The following HSPB6 variants were observed in gnomAD, a reference collection of about 807,000 sequenced individuals.
HSPB6 encodes heat shock protein family B (small) member 6, also known as heat shock protein beta-6.
In HSPB6, 8 loss-of-function variants were observed where a neutral mutation model predicts 10.7. The ratio of observed to expected loss-of-function variants is 0.75; its 90% CI spans 0.44 to 1.35. HSPB6 has a LOEUF of 1.35. HSPB6 is among the 40% of genes most tolerant of loss of function. The probability of loss-of-function intolerance (pLI) is 0.00; values close to 1 mark genes in which losing one functional copy is unlikely to be tolerated. For missense variants in HSPB6, 232 were observed against 236.0 expected (o/e 0.98, Z 0.11); for synonymous variants, 128 against 114.2 (o/e 1.12, Z -0.77).
rs1970730184 is a variant in HSPB6, at chr19:35,754,635, A to AGT, written c.*886_*887insAC. The AGT allele has an allele frequency of 1.4e-6, 1 of 702,470 alleles. No individual in the cohort carries two copies. Among genetic ancestry groups the AGT allele is most frequent in the African/African-American group, 1.7e-5 (1 of 57,168 alleles). 43.5% of individuals were successfully genotyped at this position (702,470 alleles called of 1,614,324 possible). A position where few individuals can be genotyped will look rare whatever the true frequency, so the allele number is the denominator to read the frequency against. On this transcript the variant is annotated 3_prime_UTR_variant, in exon 3 of 3. Transcript: ENST00000004982. ...AGACTAAGGGAGTGGTGGCAGGGAG[A>AGT]AAGGCTGTGGGGAATCAGAGCGGGT...
In HSPB6 at chr19:35,756,831, C is replaced by A; in HGVS notation, c.178G>T (p.Val60Leu). 6.5e-7 allele frequency: 1 copy of A among 1,536,624 alleles called. No homozygotes were observed. The highest frequency in any genetic ancestry group is 8.7e-7 in the Non-Finnish European group (1 of 1,146,606). Residue 60 changes from valine (V) to leucine (L), a missense_variant, in exon 1 of 3, where the codon GTG becomes TTG. Val to Leu is a conservative substitution (Grantham distance 32). Transcript: ENST00000004982. ...LAPYYLRAPSVALPVAQVPTD... is the reference protein window; with the variant it reads ...LAPYYLRAPSLALPVAQVPTD... Reference sequence around the variant, plus strand: ...GGCACCTGGGCGACGGGCAGCGCCACGCTGGGTGCGCGCAGGTAGTAGGGG... The same window carrying A: ...GGCACCTGGGCGACGGGCAGCGCCAAGCTGGGTGCGCGCAGGTAGTAGGGG...
chr19:35,756,958 G>T lies in HSPB6; in HGVS notation c.51C>A (p.Ala17=). The stretch of plus-strand genomic sequence containing the variant: ...CGGGCGCCGAAAGTCCGGGCAACGG[G>T]GCCGAGGCGCGGCGCAGCCAAGACG... ...VQPSWLRRAS[A]PLPGLSAPGR... Residue 17 remains alanine (A), a synonymous_variant, in exon 1 of 3, where the codon GCC becomes GCA. Coordinates refer to ENST00000004982, the MANE Select transcript of HSPB6 (RefSeq NM_144617.3). The T allele has an allele frequency of 6.5e-7, 1 of 1,544,744 alleles. No individual in the cohort carries two copies.
chr19:35,755,415 G>C lies in HSPB6; in HGVS notation c.*107C>G. ...GGGCAGAATCCAGGAGTGGGTGAGAGGACAGTCCTTGGCGCACTCGGGACA... is the reference window on the plus strand; with the variant it reads ...GGGCAGAATCCAGGAGTGGGTGAGACGACAGTCCTTGGCGCACTCGGGACA... On this transcript the variant is annotated 3_prime_UTR_variant, in exon 3 of 3. Transcript: ENST00000004982. 8.6e-7 allele frequency: 1 copy of C among 1,160,068 alleles called. No homozygotes were observed. The highest frequency in any genetic ancestry group is 1.2e-6 in the Non-Finnish European group (1 of 806,348). 71.9% of individuals were successfully genotyped at this position (1,160,068 alleles called of 1,614,324 possible).
intron 1 of HSPB6, among the ~76,000 whole-genome samples, chr19:35,756,282 C>G: frequency 6.6e-6 from 1 of 152,112 alleles, no homozygotes; most frequent in Non-Finnish European, 1.5e-5. Flanking sequence ...GCCCCTTTCC[C>G]CGTCTCCAGG....
chr19:35,755,553 G>C lies in HSPB6; in HGVS notation c.452C>G (p.Ala151Gly). 1 of 1,526,710 alleles carries C rather than the reference G, an allele frequency of 6.6e-7. No individual in the cohort carries two copies. The highest frequency in any genetic ancestry group is 1.2e-5 in the South Asian group (1 of 83,038). The allele number at this position is 1,526,710 out of a possible 1,614,324, so 94.6% of individuals were successfully genotyped here. A position where few individuals can be genotyped will look rare whatever the true frequency, so the allele number is the denominator to read the frequency against. ...GGCTGCGGCTGGCGGTGGGGCCTGG[G>C]CCGACGCTGGTGCGGCCTGGATGGA... ...VLSIQAAPAS[A>G]QAPPPAAAK is the part of the protein sequence containing the mutation. Residue 151 changes from alanine (A) to glycine (G), a missense_variant, in exon 3 of 3, where the codon GCC becomes GGC. Transcript: ENST00000004982.
chr19:35,756,231 C>A (rs1970752816), intron 1 of HSPB6, among the ~76,000 whole-genome samples: 1 of 151,924 alleles, frequency 6.6e-6, no homozygotes, highest in South Asian at 2.1e-4. Context: ...CCTCAGAGCC[C>A]CGGGTCCCTT....
rs932312452 is a variant in HSPB6 at position 35,755,441 on chromosome 19, T to C, written c.*81A>G. 7.1e-7 allele frequency: 1 copy of C among 1,412,680 alleles called. No individual in the cohort carries two copies. The highest frequency in any genetic ancestry group is 1.4e-5 in the African/African-American group (1 of 70,136). 87.5% of individuals were successfully genotyped at this position (1,412,680 alleles called of 1,614,324 possible). A position where few individuals can be genotyped will look rare whatever the true frequency, so the allele number is the denominator to read the frequency against. The stretch of plus-strand genomic sequence containing the variant: ...GACAGTCCTTGGCGCACTCGGGACA[T>C]CTGGCTGGGCGGAGTCAGATCGGCT... On this transcript the variant is annotated 3_prime_UTR_variant, in exon 3 of 3. Transcript: ENST00000004982.
intron 1 of HSPB6, among the ~76,000 whole-genome samples, chr19:35,756,246 G>T (rs1970753454): frequency 6.6e-6 from 1 of 151,416 alleles, no homozygotes; most frequent in South Asian, 2.1e-4. Flanking sequence ...TCCCTTCTCC[G>T]CCAGCCCCGC....
chr19:35,755,971 C>T lies in HSPB6; in HGVS notation c.199-77G>A, dbSNP rs1312339967. On this transcript the variant is annotated intron_variant, in intron 1 of 2. Coordinates refer to ENST00000004982, the MANE Select transcript of HSPB6 (RefSeq NM_144617.3). ...GGACCCACCCAGGGAGACCCCACCC[C>T]CGTCGGTTCCGTGCCGCGGCTCACT... 8 of 1,499,716 alleles carry T rather than the reference C, an allele frequency of 5.3e-6. No homozygotes were observed. The Admixed American group carries it at 6.4e-5, about 12-fold the overall frequency. The allele number at this position is 1,499,716 out of a possible 1,614,324, so 92.9% of individuals were successfully genotyped here. A position where few individuals can be genotyped will look rare whatever the true frequency, so the allele number is the denominator to read the frequency against.
At position 35,756,955 on chromosome 19, in the gene HSPB6, C is replaced by T. The variant is rs376421880; in HGVS notation, c.54G>A (p.Pro18=). Residue 18 remains proline (P), a synonymous_variant, in exon 1 of 3, where the codon CCG becomes CCA. Transcript: ENST00000004982. The stretch of plus-strand genomic sequence containing the variant: ...GTCCGGGCGCCGAAAGTCCGGGCAA[C>T]GGGGCCGAGGCGCGGCGCAGCCAAG... The part of the protein sequence containing the change: ...QPSWLRRASA[P]LPGLSAPGRL... The T allele has an allele frequency of 1.7e-5, 26 of 1,544,380 alleles. No homozygotes were observed. Among genetic ancestry groups the T allele is most frequent in the East Asian group, 2.4e-5 (1 of 40,914 alleles).
In HSPB6 at chr19:35,755,676, T is replaced by TG; in HGVS notation, c.328dup (p.His110ProfsTer108). On this transcript the variant is annotated frameshift_variant, in exon 3 of 3. Coordinates refer to ENST00000004982, the MANE Select transcript of HSPB6 (RefSeq NM_144617.3). LOFTEE classifies it high-confidence loss of function. ...GTGGAACTCGCGCGCGACGAATCCG[T>TG]GCTCATCCTGGAGGGGAGGGAGGCT... The TG allele has an allele frequency of 1.3e-6, 2 of 1,535,374 alleles. No individual in the cohort carries two copies. The highest frequency in any genetic ancestry group is 1.7e-4 in the Middle Eastern group (1 of 5,960).
At chr19:35,756,051 T>C (rs1234152520) in intron 1 of HSPB6, among the ~76,000 whole-genome samples, 157 bp from the exon 2 acceptor site, 1 of 152,062 alleles carries the variant, frequency 6.6e-6, no homozygotes, top group Non-Finnish European at 1.5e-5. Flanking sequence ...CCAGGACCTC[T>C]TCACCCTGAA....
In HSPB6 at chr19:35,756,819, C is replaced by T; in HGVS notation, c.190G>A (p.Val64Ile). 1 of 1,535,966 alleles carries T rather than the reference C, an allele frequency of 6.5e-7. No individual in the cohort carries two copies. ...CTCCCCAGGCCTGGCACCTGGGCGA[C>T]GGGCAGCGCCACGCTGGGTGCGCGC... Reference protein sequence around the residue: ...YLRAPSVALPVAQVPTDPGHF... With the variant: ...YLRAPSVALPIAQVPTDPGHF... Residue 64 changes from valine to isoleucine, a missense_variant, in exon 1 of 3, where the codon GTC becomes ATC. Transcript: ENST00000004982.
intron 1 of HSPB6, among the ~76,000 whole-genome samples, 172 bp downstream of exon 1, chr19:35,756,639 C>T (rs1970763078): frequency 6.6e-6 from 1 of 152,196 alleles, no homozygotes; most frequent in Non-Finnish European, 1.5e-5. Flanking sequence ...GACCTCCCAC[C>T]CGCTGCAGTG....
intron 1 of HSPB6, among the ~76,000 whole-genome samples, chr19:35,756,200 G>T (rs965126227): frequency 6.6e-6 from 1 of 151,912 alleles, no homozygotes; most frequent in Non-Finnish European, 1.5e-5. Flanking sequence ...GCCCCCCAGG[G>T]CACTGATTCC....
rs887847959 is a variant in HSPB6 at position 35,755,808 on chromosome 19, T to C, written c.285A>G (p.Glu95=). ...CGTGGCGCGCGTGCACCTCCACGTG[T>C]TCGCCCACCACCTTGACAGCAATTT... ...PEEIAVKVVG[E]HVEVHARHEE... is the part of the protein sequence containing the mutation. Residue 95 remains glutamate (E), a synonymous_variant, in exon 2 of 3, where the codon GAA becomes GAG. Coordinates refer to ENST00000004982, the MANE Select transcript of HSPB6 (RefSeq NM_144617.3). The C allele has an allele frequency of 1.3e-6, 2 of 1,596,520 alleles. No homozygotes were observed. The highest frequency in any genetic ancestry group is 2.3e-5 in the East Asian group (1 of 43,866).
At position 35,756,247 on chromosome 19, in the gene HSPB6, C is replaced by T. The variant is rs577379955; in HGVS notation, c.199-353G>A. Among the ~76,000 whole-genome samples the T allele has an allele frequency of 5.7e-4, 86 of 152,172 alleles. No homozygotes were observed. The Middle Eastern group carries it at 0.01, about 18-fold the overall frequency. On this transcript the variant is annotated intron_variant, in intron 1 of 2. Coordinates refer to ENST00000004982, the MANE Select transcript of HSPB6 (RefSeq NM_144617.3). ...CTCAGAGCCCCGGGTCCCTTCTCCGCCAGCCCCGCCAAACTCGCCAAGATG... is the reference window on the plus strand; with the variant it reads ...CTCAGAGCCCCGGGTCCCTTCTCCGTCAGCCCCGCCAAACTCGCCAAGATG...
Position 35,756,901 on chromosome 19 carries a change from C to A in HSPB6, c.108G>T (p.Gly36=). Residue 36 remains glycine, a synonymous_variant, in exon 1 of 3, where the codon GGG becomes GGT. Transcript: ENST00000004982. ...GRLFDQRFGE[G]LLEAELAALC... is the part of the protein sequence containing the mutation. ...GCGCAGCCAGCTCGGCCTCCAGCAG[C>A]CCCTCGCCGAAGCGCTGGTCAAAGA... is the stretch of plus-strand genomic sequence containing the variant. 2 of 1,539,232 alleles carry A rather than the reference C, an allele frequency of 1.3e-6. No individual in the cohort carries two copies. Among genetic ancestry groups the A allele is most frequent in the Non-Finnish European group, 1.7e-6 (2 of 1,145,968 alleles).
In HSPB6 at chr19:35,755,759, C is replaced by A. The variant is rs1183603828; in HGVS notation, c.321+13G>T. On this transcript the variant is annotated intron_variant, in intron 2 of 2. Coordinates refer to ENST00000004982, the MANE Select transcript of HSPB6 (RefSeq NM_144617.3). ...GCGTACCCGCTCCAGCCCCGCCCCA[C>A]GCCGCGGCTCACCGGGCGCTCCTCG... The A allele has an allele frequency of 6.4e-7, 1 of 1,567,542 alleles. No individual in the cohort carries two copies. Among genetic ancestry groups the A allele is most frequent in the Admixed American group, 1.8e-5 (1 of 54,062 alleles).
Sources: allele counts gnomAD v4.1 joint callset (sites outside exome capture counted in the v4.1 genomes callset), GRCh38; gene constraint gnomAD v4.1.1; transcripts MANE v1.5; gene names NCBI Gene and HGNC (gene_info 2026-07-23, HGNC 2026-07-21).